The following GMDS variants were observed in gnomAD, a reference collection of about 807,000 sequenced individuals.
GMDS encodes the protein GDP-mannose 4,6-dehydratase.
GMDS carries 20 observed loss-of-function variants against 49.9 expected under a neutral mutation model. The ratio of observed to expected loss-of-function variants is 0.40; its 90% confidence interval spans 0.28 to 0.58. The LOEUF (loss-of-function observed/expected upper bound fraction) is 0.58. GMDS is among the 20% of genes least tolerant of loss of function. GMDS has a pLI of 0.42. For missense variants in GMDS, 362 were observed against 481.4 expected (o/e 0.75, Z 2.32); for synonymous variants, 177 against 178.6 (o/e 0.99, Z 0.07).
chr6:1,931,775 T>G (rs1294392917), intron 6 of GMDS, among the ~76,000 whole-genome samples: 1 of 152,218 alleles, frequency 6.6e-6, no homozygotes, highest in African/African-American at 2.4e-5. Flanking sequence ...ATAAAACATT[T>G]CAGATTAACC....
intron 7 of GMDS, among the ~76,000 whole-genome samples, chr6:1,755,449 C>T (rs1452362925): frequency 6.6e-6 from 1 of 152,152 alleles, no homozygotes; most frequent in Non-Finnish European, 1.5e-5. Flanking sequence ...GACATACTGC[C>T]CAAAGTAATT....
intron 4 of GMDS, among the ~76,000 whole-genome samples, chr6:2,069,438 G>A (rs1321928785): frequency 6.6e-6 from 1 of 151,914 alleles, no homozygotes; most frequent in Non-Finnish European, 1.5e-5. Flanking sequence ...AAACTAAAGA[G>A]CTTCTGCACA....
At chr6:1,716,908 C>T (rs1766196097) in intron 9 of GMDS, among the ~76,000 whole-genome samples, 1 of 152,226 alleles carries the variant, frequency 6.6e-6, no homozygotes, top group Non-Finnish European at 1.5e-5. Flanking sequence ...TTTCCAGTTG[C>T]CCAAATGTAT....
chr6:1,624,435 C>T (rs1476124795), intron 10 of GMDS, 37 bp downstream of exon 10: 10 of 1,577,672 alleles, frequency 6.3e-6, no homozygotes, highest in Non-Finnish European at 8.7e-6. Flanking sequence ...AGCCCGGGGC[C>T]CCGCAGCGGG....
chr6:2,163,893 T>C (rs1777533704), intron 1 of GMDS, among the ~76,000 whole-genome samples: 1 of 152,236 alleles, frequency 6.6e-6, no homozygotes, highest in Non-Finnish European at 1.5e-5. Context: ...TCCAGGATGC[T>C]GGGGCTCCCG....
intron 1 of GMDS, among the ~76,000 whole-genome samples, chr6:2,217,327 T>C (rs578123262): frequency 2.0e-5 from 3 of 152,300 alleles, no homozygotes; most frequent in Admixed American, 6.5e-5. Context: ...GACACGTGTT[T>C]GCCTGTAATA....
At chr6:2,022,828 T>C (rs2127407396) in intron 4 of GMDS, among the ~76,000 whole-genome samples, 1 of 152,188 alleles carries the variant, frequency 6.6e-6, no homozygotes, top group Non-Finnish European at 1.5e-5. Flanking sequence ...CCAATAATAG[T>C]GAACATTTAG....
At chr6:1,886,814 T>C (rs1219964484) in intron 7 of GMDS, among the ~76,000 whole-genome samples, 4 of 152,196 alleles carry the variant, frequency 2.6e-5, no homozygotes, top group African/African-American at 4.8e-5. Context: ...ATTTGAAAAA[T>C]GATTAAATTA....
intron 4 of GMDS, among the ~76,000 whole-genome samples, chr6:2,084,144 C>T (rs1772871808): frequency 6.6e-6 from 1 of 152,186 alleles, no homozygotes; most frequent in South Asian, 2.1e-4. Context: ...ATAAAAATTA[C>T]AATTGATTAC....
intron 4 of GMDS, among the ~76,000 whole-genome samples, chr6:2,063,006 G>C (rs994557266): frequency 6.6e-6 from 1 of 152,230 alleles, no homozygotes; most frequent in South Asian, 2.1e-4. Flanking sequence ...GTTAGAATTT[G>C]CTTTTGGTGA....
intron 7 of GMDS, among the ~76,000 whole-genome samples, chr6:1,800,315 C>G (rs1435474155): frequency 3.9e-5 from 6 of 152,348 alleles, no homozygotes; most frequent in African/African-American, 1.4e-4. Flanking sequence ...GCTTCTTCAA[C>G]TCTTTAAGTC....
chr6:1,664,868 T>G (rs914400344), intron 9 of GMDS, among the ~76,000 whole-genome samples: 26 of 152,234 alleles, frequency 1.7e-4, no homozygotes, highest in Non-Finnish European at 4.4e-5. Flanking sequence ...AAACTAAAGT[T>G]AGAAGCGTCC....
intron 1 of GMDS, among the ~76,000 whole-genome samples, chr6:2,176,332 C>A (rs1444807998): frequency 6.6e-6 from 1 of 151,976 alleles, no homozygotes; most frequent in Non-Finnish European, 1.5e-5. Context: ...TAAGACAATG[C>A]AGCAATGGTT....
chr6:2,232,182 C>G (rs1301619916), intron 1 of GMDS, among the ~76,000 whole-genome samples: 1 of 151,378 alleles, frequency 6.6e-6, no homozygotes, highest in Non-Finnish European at 1.5e-5. Context: ...ACTGTGATAG[C>G]AGACAGCAAT....
chr6:1,654,488 TG>T (rs1478963912), intron 9 of GMDS, among the ~76,000 whole-genome samples: 1 of 152,212 alleles, frequency 6.6e-6, no homozygotes, highest in Non-Finnish European at 1.5e-5. Flanking sequence ...TCGACTATGC[TG>T]TAAGTGAAAT....
chr6:2,103,157 C>T (rs73414527), intron 4 of GMDS, among the ~76,000 whole-genome samples: 7,085 of 152,194 alleles, frequency 0.047, 396 homozygotes, highest in African/African-American at 0.13. Flanking sequence ...TGCTGGAAAC[C>T]ACCTTATACC....
intron 1 of GMDS, among the ~76,000 whole-genome samples, chr6:2,136,302 T>C (rs1439813875): frequency 2.0e-5 from 3 of 152,266 alleles, no homozygotes; most frequent in African/African-American, 7.2e-5. Flanking sequence ...AGTAAATTCA[T>C]GTACCCAACC....
chr6:1,733,117 A>G (rs1389639724), intron 8 of GMDS, among the ~76,000 whole-genome samples: 1 of 152,084 alleles, frequency 6.6e-6, no homozygotes, highest in Admixed American at 6.5e-5. Context: ...TGGGGAGGGG[A>G]TGACATCTTT....
At chr6:2,130,941 A>G (rs996974509) in intron 1 of GMDS, among the ~76,000 whole-genome samples, 1 of 151,662 alleles carries the variant, frequency 6.6e-6, no homozygotes, top group African/African-American at 2.4e-5. Flanking sequence ...TTTTTTTTTC[A>G]GGGAATTATA....
Sources: gnomAD v4.1 joint callset for allele counts (sites outside exome capture counted in the v4.1 genomes callset) on GRCh38, gnomAD v4.1.1 for gene constraint, MANE v1.5 for transcripts, NCBI Gene and HGNC (gene_info 2026-07-23, HGNC 2026-07-21) for gene names.